Variants in TACR3 observed in about 807,000 individuals in gnomAD.
The protein encoded by TACR3 is neuromedin-K receptor.
TACR3 carries 34 observed loss-of-function variants against 35.0 expected under a neutral mutation model. The ratio of observed to expected loss-of-function variants is 0.97; its 90% CI spans 0.74 to 1.30. The LOEUF (loss-of-function observed/expected upper bound fraction) is 1.30, where lower values mean the gene tolerates loss of function less well. Among genes scored for constraint, TACR3 ranks in the 50% most tolerant of loss-of-function variants. The pLI is 0.00. For synonymous variants in TACR3, 233 were observed against 221.1 expected, an observed-to-expected ratio of 1.05 and a Z score of -0.48; for missense variants, 558 against 591.7, an observed-to-expected ratio of 0.94 and a Z score of 0.59.
intron 1 of TACR3, among the ~76,000 whole-genome samples, chr4:103,689,713 T>A (rs926582494): frequency 1.3e-5 from 2 of 151,998 alleles, no homozygotes; most frequent in African/African-American, 4.8e-5. Flanking sequence ...CTCTATTAAA[T>A]ATACAAGCAT....
In TACR3 at chr4:103,591,745, T is replaced by A. The variant is rs892840390; in HGVS notation, c.889-62A>T. ...ACTCATAATAGTTCCAATAGCTTATTGCAAATCATGCTTTTCTGCCAATAC... is the reference window on the plus strand; with the variant it reads ...ACTCATAATAGTTCCAATAGCTTATAGCAAATCATGCTTTTCTGCCAATAC... On this transcript the variant is annotated intron_variant, in intron 3 of 4. Transcript: ENST00000304883. 4.8e-6 allele frequency: 7 copies of A among 1,452,324 alleles called. No homozygotes were observed. In the Admixed American group the frequency reaches 7.8e-5, roughly 16 times the overall value. The allele number at this position is 1,452,324 out of a possible 1,614,324, so 90.0% of individuals were successfully genotyped here. A position where few individuals can be genotyped will look rare whatever the true frequency, so the allele number is the denominator to read the frequency against.
intron 3 of TACR3, among the ~76,000 whole-genome samples, chr4:103,596,325 C>T (rs1655867016): frequency 6.6e-6 from 1 of 152,000 alleles, no homozygotes; most frequent in Admixed American, 6.6e-5. Context: ...GGAATCGCCA[C>T]ACTGACTTCC....
At chr4:103,614,606 T>G in intron 3 of TACR3, among the ~76,000 whole-genome samples, 1 of 152,258 alleles carries the variant, frequency 6.6e-6, no homozygotes, top group Middle Eastern at 3.4e-3. Flanking sequence ...GTTAGTATAT[T>G]GGATATAGTA....
chr4:103,654,093 T>C (rs889822280), intron 3 of TACR3, among the ~76,000 whole-genome samples: 4 of 149,076 alleles, frequency 2.7e-5, no homozygotes, highest in African/African-American at 1.0e-4. Flanking sequence ...TTTTACACTG[T>C]TGGTGGGACT....
At chr4:103,658,113 C>T (rs555283903) in intron 2 of TACR3, 102 bp downstream of exon 2, 2 of 1,166,112 alleles carry the variant, frequency 1.7e-6, no homozygotes, top group African/African-American at 1.5e-5. Context: ...AATGTATGAA[C>T]CCTGGGGGAA....
At position 103,719,146 on chromosome 4, in the gene TACR3, G is replaced by C. The variant is rs777243337; in HGVS notation, c.530C>G (p.Thr177Arg). 2 of 1,613,974 alleles carry C rather than the reference G, an allele frequency of 1.2e-6. No homozygotes were observed. The highest frequency in any genetic ancestry group is 1.7e-5 in the Admixed American group (1 of 60,004). ...TAVFASIYSMTAIAVDRYMAI... is the reference protein window; with the variant it reads ...TAVFASIYSMRAIAVDRYMAI... ...TCCTCACCTGTCCACCGCAATGGCC[G>C]TCATGGAGTAGATGCTGGCGAACAC... The change falls in exon 1 of 5, where the codon ACG becomes AGG. Residue 177 changes from threonine to arginine, a missense_variant. By Grantham distance (71) the Thr-to-Arg change is moderately conservative. Coordinates refer to ENST00000304883, the MANE Select transcript of TACR3 (RefSeq NM_001059.3).
At chr4:103,668,674 C>T (rs370774661) in intron 1 of TACR3, among the ~76,000 whole-genome samples, 99 of 151,802 alleles carry the variant, frequency 6.5e-4, no homozygotes, top group African/African-American at 2.2e-3. Context: ...ATGGTGAAAC[C>T]CCGTCTCTAC....
chr4:103,679,765 G>A lies in TACR3; in HGVS notation c.549-21362C>T, dbSNP rs1470136097. 8.6e-5 allele frequency among the ~76,000 whole-genome samples: 13 copies of A among 151,936 alleles called. No individual in the cohort carries two copies. The East Asian group carries it at 1.9e-3, about 23-fold the overall frequency. ...ATAATGGTGACTGTAGATAACTGCA[G>A]GGAAAGGTAAGTAGAATGATGGTTT... On this transcript the variant is annotated intron_variant, in intron 1 of 4. Transcript: ENST00000304883.
At chr4:103,709,480 C>T (rs1722885614) in intron 1 of TACR3, among the ~76,000 whole-genome samples, 1 of 152,166 alleles carries the variant, frequency 6.6e-6, no homozygotes, top group Non-Finnish European at 1.5e-5. Context: ...ACCACTAGGC[C>T]TGCCCTAAAA....
chr4:103,664,932 T>A (rs956183307), intron 1 of TACR3, among the ~76,000 whole-genome samples: 17 of 151,642 alleles, frequency 1.1e-4, no homozygotes, highest in African/African-American at 3.6e-4. Context: ...GCCTCAGCTC[T>A]CTGAGTAGCT....
chr4:103,635,105 C>A (rs1725157401), intron 3 of TACR3, among the ~76,000 whole-genome samples: 2 of 151,900 alleles, frequency 1.3e-5, no homozygotes, highest in South Asian at 2.1e-4. Context: ...ATTATATATG[C>A]ACACATATAT....
intron 3 of TACR3, among the ~76,000 whole-genome samples, chr4:103,603,239 T>G (rs1389912273): frequency 6.6e-6 from 1 of 152,206 alleles, no homozygotes; most frequent in East Asian, 1.9e-4. Context: ...TTTAAGCCCA[T>G]TGGAAAAGCG....
chr4:103,641,038 GCTTACAT>G (rs1187721473), intron 3 of TACR3, among the ~76,000 whole-genome samples: 1 of 151,790 alleles, frequency 6.6e-6, no homozygotes, highest in East Asian at 1.9e-4. Flanking sequence ...TAGTTTCAAG[GCTTACAT>G]TTAAGTATTT....
chr4:103,590,865 A>C (rs1042766081), intron 4 of TACR3, among the ~76,000 whole-genome samples: 3 of 152,092 alleles, frequency 2.0e-5, no homozygotes, highest in African/African-American at 7.2e-5. Context: ...TTGACTACAA[A>C]TATTCTCACT....
chr4:103,705,982 T>C (rs1578265946), intron 1 of TACR3, among the ~76,000 whole-genome samples: 1 of 152,294 alleles, frequency 6.6e-6, no homozygotes, highest in East Asian at 1.9e-4. Flanking sequence ...TGTGTTGCAA[T>C]ATGAACACAT....
intron 1 of TACR3, among the ~76,000 whole-genome samples, chr4:103,715,561 G>A (rs1454886803): frequency 6.6e-6 from 1 of 152,110 alleles, no homozygotes; most frequent in East Asian, 1.9e-4. Context: ...ATAGCAATGT[G>A]AGAACAGACT....
chr4:103,664,072 A>G (rs1362606450), intron 1 of TACR3, among the ~76,000 whole-genome samples: 1 of 152,196 alleles, frequency 6.6e-6, no homozygotes, highest in Non-Finnish European at 1.5e-5. Flanking sequence ...TTTACTCTTC[A>G]TATTAGCATA....
At chr4:103,662,833 A>G (rs1725860049) in intron 1 of TACR3, among the ~76,000 whole-genome samples, 1 of 152,186 alleles carries the variant, frequency 6.6e-6, no homozygotes. Flanking sequence ...AGTCCCCTAC[A>G]GGTTCTTGAG....
rs1398928755 is a variant in TACR3, at chr4:103,616,894, G to A, written c.889-25211C>T. Among the ~76,000 whole-genome samples, 7 of 152,286 alleles carry A rather than the reference G, an allele frequency of 4.6e-5. No individual in the cohort carries two copies. The South Asian group carries it at 1.5e-3, about 32-fold the overall frequency. On this transcript the variant is annotated intron_variant, in intron 3 of 4. Coordinates refer to ENST00000304883, the MANE Select transcript of TACR3 (RefSeq NM_001059.3). ...GCCCAGGAGGTCCAGGTTGCAGTGA[G>A]CCATGATCAGGCCACTGCACTATCA...
Sources: gnomAD v4.1 joint callset for allele counts (sites outside exome capture counted in the v4.1 genomes callset) on GRCh38, gnomAD v4.1.1 for gene constraint, MANE v1.5 for transcripts, NCBI Gene and HGNC (gene_info 2026-07-23, HGNC 2026-07-21) for gene names.